The following PRPF18 variants were observed in gnomAD, a reference collection of about 807,000 sequenced individuals.
The protein encoded by PRPF18 is pre-mRNA processing factor 18, also known as pre-mRNA-splicing factor 18.
PRPF18 carries 38 observed loss-of-function variants against 46.5 expected under a neutral mutation model. The ratio of observed to expected loss-of-function variants is 0.82; its 90% CI spans 0.63 to 1.07. PRPF18 has a LOEUF of 1.07. PRPF18 is among the 50% of genes least tolerant of loss of function. PRPF18 has a pLI of 0.00. For missense variants in PRPF18, 263 were observed against 410.0 expected, an observed-to-expected ratio of 0.64 and a Z score of 3.10; for synonymous variants, 152 against 146.7, an observed-to-expected ratio of 1.04 and a Z score of -0.26.
chr10:13,653,196 C>G, the PRPF18 span: 1 of 151,902 alleles, frequency 6.6e-6, no homozygotes, highest in South Asian at 2.1e-4. Context: ...TCCAGAAAAC[C>G]TGGTGTAAAA....
chr10:13,598,917 G>A (rs914945125), intron 2 of PRPF18, among the ~76,000 whole-genome samples: 3 of 151,822 alleles, frequency 2.0e-5, no homozygotes, highest in African/African-American at 7.2e-5. Context: ...CTTTTGTTTA[G>A]TGTGTTTTTT....
At chr10:13,594,440 A>G (rs906424109) in intron 1 of PRPF18, among the ~76,000 whole-genome samples, 1 of 152,208 alleles carries the variant, frequency 6.6e-6, no homozygotes, top group East Asian at 1.9e-4. Flanking sequence ...AAACTAGACA[A>G]TTGGTTTCTT....
the PRPF18 span, chr10:13,652,005 A>G: frequency 1.7e-6 from 2 of 1,190,672 alleles, no homozygotes; most frequent in Non-Finnish European, 2.5e-6. Context: ...GGAGGAAGAG[A>G]AGAGAGGTCA....
At chr10:13,587,479 C>T (rs887156049) in intron 1 of PRPF18, among the ~76,000 whole-genome samples, 2 of 152,228 alleles carry the variant, frequency 1.3e-5, no homozygotes, top group South Asian at 2.1e-4. Context: ...AAGAAAAATC[C>T]TCATCTTCCC....
At chr10:13,634,181 C>T (rs2080614785), downstream of PRPF18, among the ~76,000 whole-genome samples, 1 of 152,142 alleles carries the variant, frequency 6.6e-6, no homozygotes, top group Non-Finnish European at 1.5e-5. Flanking sequence ...ATCATGAAAG[C>T]ATTGATTATT....
chr10:13,590,655 T>C (rs879004758), intron 1 of PRPF18, among the ~76,000 whole-genome samples: 1 of 151,822 alleles, frequency 6.6e-6, no homozygotes, highest in Non-Finnish European at 1.5e-5. Context: ...CATTCATAGT[T>C]TATATTAGCA....
At chr10:13,587,232 A>G in intron 1 of PRPF18, 80 bp downstream of exon 1, 2 of 1,439,042 alleles carry the variant, frequency 1.4e-6, no homozygotes, top group Non-Finnish European at 1.9e-6. Flanking sequence ...GGGTGACGAT[A>G]CTCAGAGGAT....
the PRPF18 span, chr10:13,642,905 A>G: frequency 0.56 from 85,115 of 151,938 alleles, 24,237 homozygotes; most frequent in East Asian, 0.79. Flanking sequence ...AGCATCAACT[A>G]GCTCTAGTGG....
At chr10:13,609,270 A>G (rs1272762150) in intron 4 of PRPF18, among the ~76,000 whole-genome samples, 9 of 152,224 alleles carry the variant, frequency 5.9e-5, no homozygotes, top group Non-Finnish European at 1.3e-4. Flanking sequence ...AAAAAATAGC[A>G]TCCTTATTAC....
downstream of PRPF18, chr10:13,630,876 A>G (rs546921359): frequency 1.3e-5 from 2 of 152,298 alleles, no homozygotes; most frequent in African/African-American, 2.4e-5. Context: ...GTATAACTCA[A>G]ATGTTATTTT....
chr10:13,610,254 C>A, intron 5 of PRPF18, 69 bp downstream of exon 5: 1 of 1,521,966 alleles, frequency 6.6e-7, no homozygotes, highest in South Asian at 1.3e-5. Context: ...ATGACTGAGT[C>A]GGGCAGATTG....
chr10:13,611,881 CT>C (rs376808326), intron 6 of PRPF18, among the ~76,000 whole-genome samples, 198 bp downstream of exon 6: 379 of 139,598 alleles, frequency 2.7e-3, no homozygotes, highest in Non-Finnish European at 3.1e-3. Context: ...TTTCTTGTGG[CT>C]TTTTTTTTTT....
chr10:13,605,036 C>T (rs960620266), intron 3 of PRPF18, among the ~76,000 whole-genome samples: 1 of 152,178 alleles, frequency 6.6e-6, no homozygotes, highest in Non-Finnish European at 1.5e-5. Context: ...GGTCAGACCA[C>T]TTTCTAGGAG....
chr10:13,609,986 A>T, intron 4 of PRPF18, 53 bp from the exon 5 acceptor site: 2 of 1,489,128 alleles, frequency 1.3e-6, no homozygotes, highest in East Asian at 2.3e-5. Context: ...AGGTGAAAAA[A>T]CAGGTGTTCT....
At chr10:13,624,103 G>C (rs1413812936) in intron 9 of PRPF18, among the ~76,000 whole-genome samples, 1 of 152,172 alleles carries the variant, frequency 6.6e-6, no homozygotes, top group Non-Finnish European at 1.5e-5. Flanking sequence ...TCATGCCTCA[G>C]CCTCCTGAGT....
At position 13,612,974 on chromosome 10, in the gene PRPF18, CAAGG is replaced by C. The variant is rs542670817; in HGVS notation, c.580-764_580-761del. On this transcript the variant is annotated intron_variant, in intron 6 of 9. Coordinates refer to ENST00000378572, the MANE Select transcript of PRPF18 (RefSeq NM_003675.4). ...GTGTTCAGACCAAGAGATTTACATG[CAAGG>C]AATGCTTTTTCTTGTGTGTACAGTT... 1.8e-4 allele frequency among the ~76,000 whole-genome samples: 28 copies of C among 152,212 alleles called. No individual in the cohort carries two copies. In the South Asian group the frequency reaches 5.6e-3, roughly 30 times the overall value.
rs547684518 is a variant in PRPF18, at chr10:13,621,288, T to G, written c.948+4735T>G. Among the ~76,000 whole-genome samples, 25 of 152,310 alleles carry G rather than the reference T, an allele frequency of 1.6e-4. No individual in the cohort carries two copies. In the South Asian group the frequency reaches 5.2e-3, roughly 32 times the overall value. On this transcript the variant is annotated intron_variant, in intron 9 of 9. Transcript: ENST00000378572. ...TTACCAGCAACACTGATAGGCACCC[T>G]TGCCCTGTGGCTTCTGACTGGAGCA...
chr10:13,648,455 G>A, the PRPF18 span, among the ~76,000 whole-genome samples: 6 of 152,240 alleles, frequency 3.9e-5, no homozygotes, highest in East Asian at 1.9e-4. Flanking sequence ...ACGTGGTCCT[G>A]GTGGTGCTCT....
In PRPF18 at chr10:13,597,520, A is replaced by G. The variant is rs2080052705; in HGVS notation, c.129A>G (p.Glu43=). ...LAKKEEEAYF[E]RCGYKIQPKE... ...AAAAAGAAGAGGAAGCATATTTTGAAAGATGTGGCTACAAGGTATGAATGT... is the reference window on the plus strand; with the variant it reads ...AAAAAGAAGAGGAAGCATATTTTGAGAGATGTGGCTACAAGGTATGAATGT... The change falls in exon 2 of 10, where the codon GAA becomes GAG. Residue 43 remains glutamate (E), a synonymous_variant. Coordinates refer to ENST00000378572, the MANE Select transcript of PRPF18 (RefSeq NM_003675.4). 2.5e-6 allele frequency: 4 copies of G among 1,610,838 alleles called. 1 individual carries two copies. In the South Asian group the frequency reaches 4.4e-5, roughly 18 times the overall value.
Sources: gnomAD v4.1 joint callset for allele counts (sites outside exome capture counted in the v4.1 genomes callset) on GRCh38, gnomAD v4.1.1 for gene constraint, MANE v1.5 for transcripts, NCBI Gene and HGNC (gene_info 2026-07-23, HGNC 2026-07-21) for gene names.